Variants in GRIN2A observed in about 807,000 individuals in gnomAD.
GRIN2A encodes the protein glutamate receptor ionotropic, NMDA 2A.
GRIN2A carries 22 observed loss-of-function variants against 113.4 expected under a neutral mutation model. The ratio of observed to expected loss-of-function variants is 0.19; its 90% CI spans 0.14 to 0.28. The LOEUF is 0.28. Among genes scored for constraint, GRIN2A ranks in the 10% least tolerant of loss-of-function variants. The pLI, the probability that GRIN2A is intolerant of heterozygous loss-of-function variation, is 1.00. For missense variants in GRIN2A, 1,502 were observed against 1,887.0 expected (o/e 0.80, Z 3.78); for synonymous variants, 827 against 738.4 (o/e 1.12, Z -1.94).
chr16:9,794,953 G>C (rs1055032489), intron 11 of GRIN2A, among the ~76,000 whole-genome samples: 4 of 152,086 alleles, frequency 2.6e-5, no homozygotes, highest in African/African-American at 9.7e-5. Context: ...GAGGAGGGTG[G>C]TGGTGATGGC....
chr16:9,781,984 AT>A (rs1344467851), intron 11 of GRIN2A, among the ~76,000 whole-genome samples: 5 of 152,220 alleles, frequency 3.3e-5, no homozygotes, highest in Non-Finnish European at 5.9e-5. Flanking sequence ...ATCATGGACT[AT>A]AAAAGTATAT....
At chr16:10,118,389 C>T (rs12932615) in intron 2 of GRIN2A, among the ~76,000 whole-genome samples, 5 of 152,174 alleles carry the variant, frequency 3.3e-5, no homozygotes, top group African/African-American at 7.2e-5. Context: ...TTTCCCGCCC[C>T]GATACTTGCG....
At chr16:9,912,009 T>A (rs1349406035) in intron 3 of GRIN2A, among the ~76,000 whole-genome samples, 2 of 152,140 alleles carry the variant, frequency 1.3e-5, no homozygotes, top group Admixed American at 6.6e-5. Context: ...CTCATAGTGT[T>A]GGTGGGAGGA....
chr16:9,990,598 C>T (rs1035557352), intron 2 of GRIN2A, among the ~76,000 whole-genome samples: 19 of 146,772 alleles, frequency 1.3e-4, no homozygotes, highest in Admixed American at 1.0e-3. Context: ...CACACACACA[C>T]GGTTGATGGA....
At chr16:9,893,210 G>A (rs576933679) in intron 3 of GRIN2A, among the ~76,000 whole-genome samples, 6 of 152,262 alleles carry the variant, frequency 3.9e-5, no homozygotes, top group Non-Finnish European at 7.4e-5. Flanking sequence ...CAGAGAAAAT[G>A]CTTACTATTT....
At chr16:10,014,671 A>G (rs1005866757) in intron 2 of GRIN2A, among the ~76,000 whole-genome samples, 1 of 152,218 alleles carries the variant, frequency 6.6e-6, no homozygotes, top group Admixed American at 6.5e-5. Flanking sequence ...AGGATGGCAC[A>G]GGAGTCCCAG....
Position 9,757,380 on chromosome 16 carries a change from G to C in GRIN2A, c.*5769C>G, listed in dbSNP as rs1900392319. 4.5e-6 allele frequency: 1 copy of C among 223,846 alleles called. No homozygotes were observed. Among genetic ancestry groups the C allele is most frequent in the South Asian group, 1.8e-4 (1 of 5,410 alleles). The allele number at this position is 223,846 out of a possible 1,614,324, so 13.9% of individuals were successfully genotyped here. On this transcript the variant is annotated 3_prime_UTR_variant, in exon 13 of 13. Coordinates refer to ENST00000330684, the MANE Select transcript of GRIN2A (RefSeq NM_001134407.3). ...GGACTTTTTTTTTTTTTTTAAAAAA[G>C]GTATGCTCATAGAATCAGATTATTT...
intron 4 of GRIN2A, among the ~76,000 whole-genome samples, chr16:9,858,598 T>C (rs543136268): frequency 6.6e-6 from 1 of 152,156 alleles, no homozygotes; most frequent in East Asian, 1.9e-4. Context: ...AAAAGAAATA[T>C]AAAAAGGGTA....
chr16:9,808,921 A>G (rs1006071330), intron 10 of GRIN2A, among the ~76,000 whole-genome samples: 1 of 151,936 alleles, frequency 6.6e-6, no homozygotes, highest in African/African-American at 2.4e-5. Flanking sequence ...CCCCCCAAAA[A>G]AAGTCTAGTG....
Position 9,859,643 on chromosome 16 carries a change from C to CACACACACAG in GRIN2A, c.1123-9683_1123-9682insCTGTGTGTGT, listed in dbSNP as rs144711120. ...ACACACACACACACACACACACACA[C>CACACACACAG]AGAGAGGATATGAAGCTACAATGAT... On this transcript the variant is annotated intron_variant, in intron 4 of 12. Transcript: ENST00000330684. Among the ~76,000 whole-genome samples the CACACACACAG allele has an allele frequency of 7.6e-4, 111 of 146,996 alleles. 2 individuals are homozygous for CACACACACAG. The highest frequency in any genetic ancestry group is 2.6e-3 in the African/African-American group (104 of 39,786).
At chr16:10,151,343 A>G (rs1001267852) in intron 2 of GRIN2A, among the ~76,000 whole-genome samples, 3 of 152,202 alleles carry the variant, frequency 2.0e-5, no homozygotes, top group Non-Finnish European at 4.4e-5. Context: ...CTTACAAGTG[A>G]AGAACTGTTT....
At chr16:10,154,251 C>T (rs924663751) in intron 2 of GRIN2A, among the ~76,000 whole-genome samples, 4 of 152,180 alleles carry the variant, frequency 2.6e-5, no homozygotes, top group South Asian at 2.1e-4. Context: ...AGCCAACCCT[C>T]GGTGGGCACG....
chr16:9,829,812 T>C (rs1464542898), intron 8 of GRIN2A, among the ~76,000 whole-genome samples, 160 bp from the exon 9 acceptor site: 6 of 152,212 alleles, frequency 3.9e-5, no homozygotes, highest in Admixed American at 2.0e-4. Context: ...AATAACTTAT[T>C]TTTTTCTTTA....
At chr16:10,104,094 C>T (rs75369470) in intron 2 of GRIN2A, among the ~76,000 whole-genome samples, 2,299 of 152,218 alleles carry the variant, frequency 0.015, 27 homozygotes, top group Non-Finnish European at 0.025. Context: ...ACTGTGAAAA[C>T]AAGAGTAGGC....
chr16:10,091,225 C>G lies in GRIN2A; in HGVS notation c.414+88773G>C, dbSNP rs1161595217. ...ACCCAAGAGAAATTAAGATATACAT[C>G]CACACAGACTGGCATATAGATATTC... is the stretch of plus-strand genomic sequence containing the variant. On this transcript the variant is annotated intron_variant, in intron 2 of 12. Transcript: ENST00000330684. Among the ~76,000 whole-genome samples the G allele has an allele frequency of 2.0e-5, 3 of 152,164 alleles. No homozygotes were observed. In the East Asian group the frequency reaches 5.8e-4, roughly 29 times the overall value.
At chr16:9,853,721 T>TC (rs1215390220) in intron 4 of GRIN2A, among the ~76,000 whole-genome samples, 2 of 152,012 alleles carry the variant, frequency 1.3e-5, no homozygotes, top group African/African-American at 2.4e-5. Context: ...CTTTGCCTAC[T>TC]CCAATTTTTT....
intron 10 of GRIN2A, among the ~76,000 whole-genome samples, chr16:9,803,142 C>A (rs554731921): frequency 6.6e-6 from 1 of 152,038 alleles, no homozygotes; most frequent in Non-Finnish European, 1.5e-5. Flanking sequence ...CAGTGGCTAG[C>A]GCCTAAAGTC....
chr16:9,787,092 G>A (rs1902276313), intron 11 of GRIN2A, among the ~76,000 whole-genome samples: 1 of 152,054 alleles, frequency 6.6e-6, no homozygotes, highest in African/African-American at 2.4e-5. Context: ...TTTTTAAATG[G>A]CCTGCAAAGC....
At chr16:9,782,500 T>A (rs541974594) in intron 11 of GRIN2A, among the ~76,000 whole-genome samples, 12 of 152,320 alleles carry the variant, frequency 7.9e-5, no homozygotes, top group African/African-American at 2.9e-4. Flanking sequence ...GGGGCCACTG[T>A]TTATCCATGC....
Sources: allele counts gnomAD v4.1 joint callset (sites outside exome capture counted in the v4.1 genomes callset), GRCh38; gene constraint gnomAD v4.1.1; transcripts MANE v1.5; gene names NCBI Gene and HGNC (gene_info 2026-07-23, HGNC 2026-07-21).